Variants in LRRTM3 observed in about 807,000 individuals in gnomAD.
LRRTM3 encodes the protein leucine-rich repeat transmembrane neuronal protein 3.
Under a neutral mutation model 44.7 loss-of-function variants are expected in LRRTM3, and 24 were observed. The ratio of observed to expected loss-of-function variants is 0.54; its 90% CI spans 0.39 to 0.76. LRRTM3 has a LOEUF of 0.76. Ranked by LOEUF, LRRTM3 falls within the 30% of genes least tolerant of loss-of-function variation. The pLI, the probability that LRRTM3 is intolerant of heterozygous loss-of-function variation, is 0.00. For missense variants in LRRTM3, 587 were observed against 702.2 expected (o/e 0.84, Z 1.85); for synonymous variants, 277 against 278.7 (o/e 0.99, Z 0.06).
chr10:66,958,250 A>C (rs1848926234), intron 2 of LRRTM3, among the ~76,000 whole-genome samples: 1 of 150,820 alleles, frequency 6.6e-6, no homozygotes, highest in African/African-American at 2.4e-5. Context: ...AGATTTAGCA[A>C]CTTAGCATTT....
intron 2 of LRRTM3, among the ~76,000 whole-genome samples, chr10:67,000,886 AC>A (rs751346412): frequency 3.3e-5 from 5 of 152,164 alleles, no homozygotes; most frequent in Non-Finnish European, 7.4e-5. Flanking sequence ...TTACTCATGA[AC>A]AACAGGCTGG....
At chr10:66,940,424 C>T (rs1847938412) in intron 2 of LRRTM3, among the ~76,000 whole-genome samples, 1 of 152,018 alleles carries the variant, frequency 6.6e-6, no homozygotes, top group African/African-American at 2.4e-5. Flanking sequence ...CAGTGAGCAA[C>T]GATTGCACCA....
rs140474690 is a variant in LRRTM3, at chr10:66,928,117, G to T, written c.1201G>T (p.Ala401Ser). Residue 401 changes from alanine to serine, a missense_variant, in exon 2 of 3, where the codon GCC becomes TCC. Transcript: ENST00000361320. ...SKPPLPPTVG[A>S]TEPGPETDAD... ...ACCCCCTTTGCCCCCGACGGTGGGA[G>T]CCACAGAGCCCGGCCCAGAGACCGA... 30 of 1,613,958 alleles carry T rather than the reference G, an allele frequency of 1.9e-5. No homozygotes were observed. In the Middle Eastern group the frequency reaches 6.6e-4, roughly 35 times the overall value.
intron 2 of LRRTM3, among the ~76,000 whole-genome samples, chr10:67,057,472 G>A (rs1390947121): frequency 6.6e-6 from 1 of 152,070 alleles, no homozygotes; most frequent in Non-Finnish European, 1.5e-5. Flanking sequence ...CTGCTTCTGT[G>A]TATTCAATTT....
chr10:67,029,370 G>C (rs1356562937), intron 2 of LRRTM3, among the ~76,000 whole-genome samples: 1 of 152,158 alleles, frequency 6.6e-6, no homozygotes, highest in African/African-American at 2.4e-5. Flanking sequence ...AGCTGGTTCA[G>C]AGCAGGTTGA....
At chr10:67,066,971 T>C (rs940759558) in intron 2 of LRRTM3, among the ~76,000 whole-genome samples, 20 of 152,206 alleles carry the variant, frequency 1.3e-4, no homozygotes, top group African/African-American at 4.8e-4. Flanking sequence ...TCCTGTCTCT[T>C]AATTTAACAG....
At chr10:67,028,375 A>C (rs1042893346) in intron 2 of LRRTM3, among the ~76,000 whole-genome samples, 5 of 152,148 alleles carry the variant, frequency 3.3e-5, no homozygotes, top group African/African-American at 1.2e-4. Flanking sequence ...CCTATCATCC[A>C]CAGCTTGCAT....
chr10:67,037,514 G>T (rs1415918875), intron 2 of LRRTM3, among the ~76,000 whole-genome samples: 1 of 152,108 alleles, frequency 6.6e-6, no homozygotes, highest in African/African-American at 2.4e-5. Flanking sequence ...TTTAGGTAGA[G>T]GAGTGATCAT....
At chr10:66,953,763 A>C (rs1327789573) in intron 2 of LRRTM3, among the ~76,000 whole-genome samples, 1 of 152,088 alleles carries the variant, frequency 6.6e-6, no homozygotes, top group Non-Finnish European at 1.5e-5. Flanking sequence ...TCCTAAGATA[A>C]TATTAGATGA....
At chr10:67,093,219 T>C (rs1233260120) in intron 2 of LRRTM3, among the ~76,000 whole-genome samples, 1 of 151,950 alleles carries the variant, frequency 6.6e-6, no homozygotes, top group Non-Finnish European at 1.5e-5. Flanking sequence ...CCTTATTAGA[T>C]TTAAATTTCC....
At chr10:67,027,170 G>A (rs1853440464) in intron 2 of LRRTM3, among the ~76,000 whole-genome samples, 1 of 152,146 alleles carries the variant, frequency 6.6e-6, no homozygotes. Flanking sequence ...GACAGAAGAG[G>A]GAAAGGAGCG....
intron 2 of LRRTM3, among the ~76,000 whole-genome samples, chr10:67,077,141 T>C (rs928924945): frequency 6.6e-6 from 1 of 152,162 alleles, no homozygotes; most frequent in African/African-American, 2.4e-5. Flanking sequence ...TCCATCTCTG[T>C]GGCCACTCCC....
rs138250940 is a variant in LRRTM3, at chr10:66,966,682, C to T, written c.1536+38230C>T. ...CCAAAATAAGATGTTCTTCTACAAA[C>T]ATTAACATAAGAATAAAAACCACAA... On this transcript the variant is annotated intron_variant, in intron 2 of 2. Transcript: ENST00000361320. Among the ~76,000 whole-genome samples the T allele has an allele frequency of 9.1e-4, 138 of 152,088 alleles. 2 individuals carry two copies. The East Asian group carries it at 0.026, about 28-fold the overall frequency.
intron 2 of LRRTM3, among the ~76,000 whole-genome samples, chr10:67,001,654 C>T (rs760199977): frequency 2.6e-5 from 4 of 151,892 alleles, no homozygotes; most frequent in Non-Finnish European, 4.4e-5. Flanking sequence ...AGAAAGTTAC[C>T]ACAAGACAAC....
chr10:67,078,035 T>A (rs1363793418), intron 2 of LRRTM3, among the ~76,000 whole-genome samples: 1 of 152,152 alleles, frequency 6.6e-6, no homozygotes, highest in Non-Finnish European at 1.5e-5. Context: ...GTAGGATACA[T>A]CCTAACTAGA....
chr10:67,061,411 G>A (rs1855749430), intron 2 of LRRTM3, among the ~76,000 whole-genome samples: 1 of 152,154 alleles, frequency 6.6e-6, no homozygotes, highest in African/African-American at 2.4e-5. Context: ...TGGTATCAGA[G>A]TTCCTTTATT....
At chr10:67,080,068 C>T (rs942983664) in intron 2 of LRRTM3, among the ~76,000 whole-genome samples, 4 of 152,100 alleles carry the variant, frequency 2.6e-5, no homozygotes, top group Non-Finnish European at 4.4e-5. Flanking sequence ...CTGCCTCTTG[C>T]TGGGATCCAA....
At chr10:66,972,226 A>C (rs1350987520) in intron 2 of LRRTM3, among the ~76,000 whole-genome samples, 1 of 152,162 alleles carries the variant, frequency 6.6e-6, no homozygotes. Context: ...CACAGGCTAA[A>C]GTTTTCTCCC....
chr10:66,996,950 G>C (rs1445731202), intron 2 of LRRTM3, among the ~76,000 whole-genome samples: 2 of 152,162 alleles, frequency 1.3e-5, no homozygotes, highest in East Asian at 1.9e-4. Flanking sequence ...ATTAAATCAA[G>C]AGGTTTAATA....
Sources: allele counts gnomAD v4.1 joint callset (sites outside exome capture counted in the v4.1 genomes callset), GRCh38; gene constraint gnomAD v4.1.1; transcripts MANE v1.5; gene names NCBI Gene and HGNC (gene_info 2026-07-23, HGNC 2026-07-21).